Variants in ASCC2 observed in about 807,000 individuals in gnomAD.
The protein encoded by ASCC2 is activating signal cointegrator 1 complex subunit 2, also known as ASC-1 complex subunit P100.
In ASCC2, 42 loss-of-function variants were observed where a neutral mutation model predicts 93.5. The observed-to-expected ratio is 0.45, with a 90% CI of 0.35 to 0.58. The LOEUF is 0.58. Among genes scored for constraint, ASCC2 ranks in the 20% least tolerant of loss-of-function variants. ASCC2 has a pLI of 0.00. For synonymous variants in ASCC2, 364 were observed against 384.2 expected, an observed-to-expected ratio of 0.95 and a Z score of 0.62; for missense variants, 859 against 977.6, an observed-to-expected ratio of 0.88 and a Z score of 1.62.
intron 1 of ASCC2, among the ~76,000 whole-genome samples, chr22:29,835,631 T>C (rs1168301920): frequency 6.6e-6 from 1 of 152,140 alleles, no homozygotes; most frequent in Admixed American, 6.5e-5. Context: ...ACCAGAATTG[T>C]AATAGTACAT....
At chr22:29,833,153 C>T (rs2063366714) in intron 1 of ASCC2, among the ~76,000 whole-genome samples, 1 of 152,158 alleles carries the variant, frequency 6.6e-6, no homozygotes, top group African/African-American at 2.4e-5. Context: ...TCTGTGAGCT[C>T]AGTAGCCTGT....
At position 29,825,841 on chromosome 22, in the gene ASCC2, C is replaced by T. The variant is rs1429435125; in HGVS notation, c.82-61G>A. 6.5e-7 allele frequency: 1 copy of T among 1,537,830 alleles called. No individual in the cohort carries two copies. The highest frequency in any genetic ancestry group is 8.8e-7 in the Non-Finnish European group (1 of 1,138,718). The stretch of plus-strand genomic sequence containing the variant: ...GGTTAGTCAGCGAGGGCCCATTTGC[C>T]AACCCACAGCAATGACAACACTTGG... On this transcript the variant is annotated intron_variant, in intron 2 of 19. Transcript: ENST00000307790. The surrounding 1 kb of genome is among the most constrained non-coding windows in gnomAD (Gnocchi z 4.9).
intron 19 of ASCC2, among the ~76,000 whole-genome samples, chr22:29,789,505 T>C (rs1251327933): frequency 6.6e-6 from 1 of 152,196 alleles, no homozygotes; most frequent in Non-Finnish European, 1.5e-5. Context: ...TCCTCCTTTC[T>C]CCCTCTGGGG....
chr22:29,812,787 A>G (rs1369974940), intron 8 of ASCC2, among the ~76,000 whole-genome samples: 2 of 151,948 alleles, frequency 1.3e-5, no homozygotes, highest in East Asian at 1.9e-4. Flanking sequence ...ACATCCTTCA[A>G]GGGTGATCTC....
chr22:29,814,621 C>G lies in ASCC2; in HGVS notation c.720+36G>C, dbSNP rs376134175. On this transcript the variant is annotated intron_variant, in intron 7 of 19. Coordinates refer to ENST00000307790, the MANE Select transcript of ASCC2 (RefSeq NM_032204.5). ...TAGCTAGGCCCTGGTTGGAGGGACC[C>G]GGCAGGAAAGAGACTGGGCCGAAGG... The G allele has an allele frequency of 3.9e-6, 6 of 1,541,050 alleles. No individual in the cohort carries two copies. The Admixed American group carries it at 1.2e-4, about 31-fold the overall frequency.
At chr22:29,789,271 T>C in intron 19 of ASCC2, 87 bp from the exon 20 acceptor site, 2 of 1,506,544 alleles carry the variant, frequency 1.3e-6, no homozygotes, top group Non-Finnish European at 1.8e-6. Flanking sequence ...TGGTGTTCAC[T>C]GGGAGAGGAC....
chr22:29,820,352 C>T (rs779469303), intron 5 of ASCC2, among the ~76,000 whole-genome samples: 8 of 151,722 alleles, frequency 5.3e-5, no homozygotes, highest in Non-Finnish European at 7.4e-5. Flanking sequence ...TTAGTAGAGA[C>T]GGGGTTTCAC....
intron 15 of ASCC2, among the ~76,000 whole-genome samples, chr22:29,797,559 A>T (rs2349225): frequency 0.77 from 116,764 of 152,086 alleles, 45,173 homozygotes; most frequent in East Asian, 0.9. Flanking sequence ...AAGTCCCTTA[A>T]CCTCGCTAAG....
rs185308654 is a variant in ASCC2 at position 29,837,349 on chromosome 22, C to T, written c.-18+829G>A. On this transcript the variant is annotated intron_variant, in intron 1 of 19. Coordinates refer to ENST00000307790, the MANE Select transcript of ASCC2 (RefSeq NM_032204.5). ...TCAGGAGGCTGAGGCAGGAGAATCG[C>T]TTGAACCCGGGAGGCGGAGGTTGCA... Among the ~76,000 whole-genome samples the T allele has an allele frequency of 3.7e-3, 570 of 152,178 alleles. 4 individuals carry two copies. The highest frequency in any genetic ancestry group is 0.013 in the African/African-American group (549 of 41,514).
intron 13 of ASCC2, 112 bp from the exon 14 acceptor site, chr22:29,802,320 T>C: frequency 2.0e-6 from 2 of 1,018,886 alleles, no homozygotes; most frequent in South Asian, 3.2e-5. Context: ...AGTCCTGGGA[T>C]TACCCCTCCT....
intron 5 of ASCC2, among the ~76,000 whole-genome samples, chr22:29,821,531 G>A (rs566878532): frequency 2.5e-4 from 38 of 152,330 alleles, no homozygotes; most frequent in African/African-American, 7.9e-4. Context: ...ATCTCACAGG[G>A]CTGCTGTGAG....
At chr22:29,833,880 T>TA (rs1491179436) in intron 1 of ASCC2, among the ~76,000 whole-genome samples, 2 of 48,114 alleles carry the variant, frequency 4.2e-5, no homozygotes, top group Non-Finnish European at 1.2e-4. Context: ...TTTCTTTTTC[T>TA]TTTTTTTTTT....
rs926831604 is a variant in ASCC2, at chr22:29,825,033, G to C, written c.411+54C>G. On this transcript the variant is annotated intron_variant, in intron 4 of 19. Transcript: ENST00000307790. This position sits in a 1 kb window ranked among gnomAD's most constrained non-coding sequence, Gnocchi z 4.9. ...CTTCCTTCCCAGGGGTGGAGAGCCC[G>C]GCACAGAGGTGTCGAGTATCGGGTG... 13 of 1,333,360 alleles carry C rather than the reference G, an allele frequency of 9.7e-6. No individual in the cohort carries two copies. In the South Asian group the frequency reaches 2.5e-4, roughly 25 times the overall value. The allele number at this position is 1,333,360 out of a possible 1,614,324, so 82.6% of individuals were successfully genotyped here.
At chr22:29,811,564 G>GCC (rs1211250132) in intron 8 of ASCC2, among the ~76,000 whole-genome samples, 7 of 152,244 alleles carry the variant, frequency 4.6e-5, no homozygotes, top group Non-Finnish European at 8.8e-5. Context: ...GAGAACTGAG[G>GCC]TGGCTGTATT....
At chr22:29,804,981 A>G in intron 12 of ASCC2, 151 bp from the exon 13 acceptor site, 1 of 759,472 alleles carries the variant, frequency 1.3e-6, no homozygotes, top group Non-Finnish European at 2.1e-6. Flanking sequence ...CCTGGGCTGC[A>G]TGGAAAAATG....
At chr22:29,826,070 T>A (rs1176660977) in intron 2 of ASCC2, 2 of 257,496 alleles carry the variant, frequency 7.8e-6, no homozygotes, top group Non-Finnish European at 1.5e-5. Flanking sequence ...GTTTTCATTT[T>A]CCTTTTTTAG....
intron 15 of ASCC2, among the ~76,000 whole-genome samples, chr22:29,796,620 C>T (rs2058474209): frequency 6.6e-6 from 1 of 152,158 alleles, no homozygotes; most frequent in African/African-American, 2.4e-5. Context: ...TCAAAGAAAT[C>T]TTTCACATCC....
intron 19 of ASCC2, among the ~76,000 whole-genome samples, chr22:29,789,914 T>C (rs1273942333): frequency 1.3e-5 from 2 of 152,184 alleles, no homozygotes; most frequent in Non-Finnish European, 2.9e-5. Flanking sequence ...GGGGCCTGGA[T>C]GAGGAGTCTC....
chr22:29,812,944 C>T (rs908025306), intron 8 of ASCC2, among the ~76,000 whole-genome samples: 1 of 151,352 alleles, frequency 6.6e-6, no homozygotes, highest in African/African-American at 2.4e-5. Context: ...TGCAGTGGCG[C>T]GATCTCAGCT....
Sources: allele counts gnomAD v4.1 joint callset (sites outside exome capture counted in the v4.1 genomes callset), GRCh38; gene constraint gnomAD v4.1.1; non-coding constraint Gnocchi (gnomAD v3.1); transcripts MANE v1.5; gene names NCBI Gene and HGNC (gene_info 2026-07-23, HGNC 2026-07-21).